DCDC1: variants seen among roughly 807,000 people sequenced by gnomAD.
DCDC1 encodes the protein doublecortin domain containing 1.
Under a neutral mutation model 178.3 loss-of-function variants are expected in DCDC1, and 200 were observed. The ratio of observed to expected loss-of-function variants is 1.12; its 90% CI spans 1.00 to 1.26. The LOEUF (loss-of-function observed/expected upper bound fraction) is 1.26. Among genes scored for constraint, DCDC1 ranks in the 50% most tolerant of loss-of-function variants. DCDC1 has a pLI of 0.00. For missense variants in DCDC1, 1,983 were observed against 1,749.2 expected (o/e 1.13, Z -2.38); for synonymous variants, 690 against 604.8 (o/e 1.14, Z -2.07).
At chr11:30,959,113 C>A (rs1362610719) in intron 20 of DCDC1, among the ~76,000 whole-genome samples, 1 of 152,106 alleles carries the variant, frequency 6.6e-6, no homozygotes, top group East Asian at 1.9e-4. Flanking sequence ...GAAGTTGATG[C>A]CTTCCAATCA....
rs902580551 is a variant in DCDC1 at position 31,293,546 on chromosome 11, T to C, written c.755-2694A>G. Among the ~76,000 whole-genome samples, 3 of 152,112 alleles carry C rather than the reference T, an allele frequency of 2.0e-5. No individual in the cohort carries two copies. In the South Asian group the frequency reaches 6.2e-4, roughly 32 times the overall value. ...CCCTCAGAGCGAATGCCTCCTCAAA[T>C]TGTGTCCCAGTGATACTTCACTCAC... On this transcript the variant is annotated intron_variant, in intron 6 of 38. Coordinates refer to ENST00000684477, the MANE Select transcript of DCDC1 (RefSeq NM_001387274.1).
In DCDC1 at chr11:31,180,398, T is replaced by G. The variant is rs1470992165; in HGVS notation, c.1222-42614A>C. 2.0e-5 allele frequency among the ~76,000 whole-genome samples: 3 copies of G among 152,074 alleles called. No individual in the cohort carries two copies. The South Asian group carries it at 6.2e-4, about 31-fold the overall frequency. ...ATAGATATATATCAAAACATTAAAT[T>G]GGGGGGCTGGCAAGATGGCCGAATA... On this transcript the variant is annotated intron_variant, in intron 9 of 38. Transcript: ENST00000684477.
At chr11:31,196,666 G>A (rs1591373083) in intron 9 of DCDC1, among the ~76,000 whole-genome samples, 1 of 152,114 alleles carries the variant, frequency 6.6e-6, no homozygotes, top group South Asian at 2.1e-4. Context: ...CCCTTTCCCC[G>A]TGAACCACCC....
chr11:30,888,951 G>A (rs1308338299), intron 36 of DCDC1, among the ~76,000 whole-genome samples: 1 of 152,148 alleles, frequency 6.6e-6, no homozygotes, highest in Non-Finnish European at 1.5e-5. Context: ...GGGCACATGG[G>A]CATCATGGAA....
chr11:31,091,613 C>T, intron 16 of DCDC1, 102 bp from the exon 17 acceptor site: 1 of 644,096 alleles, frequency 1.6e-6, no homozygotes, highest in South Asian at 1.7e-5. Flanking sequence ...CCTGGATAAC[C>T]CTGGATATTA....
intron 21 of DCDC1, among the ~76,000 whole-genome samples, chr11:30,951,825 G>GGGGAGAAAACAGAAAAGCC (rs1271898605): frequency 1.3e-5 from 2 of 152,034 alleles, no homozygotes; most frequent in Non-Finnish European, 2.9e-5. Flanking sequence ...AAAGGGGTGA[G>GGGGAGAAAACAGAAAAGCC]GGGAGAAAAC....
intron 9 of DCDC1, among the ~76,000 whole-genome samples, chr11:31,237,679 A>G (rs1251144286): frequency 6.6e-6 from 1 of 152,066 alleles, no homozygotes; most frequent in African/African-American, 2.4e-5. Context: ...ACATAAATAG[A>G]AATTGCAGTG....
intron 1 of DCDC1, among the ~76,000 whole-genome samples, chr11:31,355,974 T>C (rs1951330194): frequency 6.6e-6 from 1 of 152,106 alleles, no homozygotes; most frequent in Non-Finnish European, 1.5e-5. Flanking sequence ...TTTGTACCGG[T>C]ATATCCAAAA....
chr11:30,969,324 A>G (rs999374359), intron 20 of DCDC1, among the ~76,000 whole-genome samples: 1 of 152,188 alleles, frequency 6.6e-6, no homozygotes, highest in African/African-American at 2.4e-5. Flanking sequence ...ACACTACAAA[A>G]GAGGAGAAGG....
intron 9 of DCDC1, among the ~76,000 whole-genome samples, chr11:31,226,929 AT>A (rs1430258611): frequency 3.3e-5 from 5 of 152,118 alleles, no homozygotes; most frequent in African/African-American, 1.2e-4. Context: ...AAAATAACAG[AT>A]AAAAATAAAA....
At chr11:31,153,785 A>AACACACACAC (rs141063677) in intron 9 of DCDC1, among the ~76,000 whole-genome samples, 13,544 of 132,504 alleles carry the variant, frequency 0.1, 830 homozygotes, top group Admixed American at 0.15. Flanking sequence ...TCAGTCTTAA[A>AACACACACAC]ACACACACAC....
At chr11:31,074,596 T>C (rs962432092) in intron 18 of DCDC1, among the ~76,000 whole-genome samples, 8 of 152,088 alleles carry the variant, frequency 5.3e-5, no homozygotes, top group Non-Finnish European at 1.0e-4. Context: ...TTATTGGCAT[T>C]TTGGTCTTAG....
intron 7 of DCDC1, 42 bp from the exon 8 acceptor site, chr11:31,265,642 T>C: frequency 1.0e-6 from 1 of 973,684 alleles, no homozygotes; most frequent in Non-Finnish European, 1.4e-6. Flanking sequence ...AGTAAACTGG[T>C]TAAATTGAAT....
intron 8 of DCDC1, among the ~76,000 whole-genome samples, chr11:31,255,453 TCAA>T (rs932332700): frequency 7.9e-5 from 12 of 152,082 alleles, no homozygotes; most frequent in African/African-American, 1.4e-4. Flanking sequence ...CTTTACATCC[TCAA>T]CAACACTTGT....
Position 30,892,982 on chromosome 11 carries a change from T to C in DCDC1, c.4918A>G (p.Ile1640Val). 2 of 1,613,888 alleles carry C rather than the reference T, an allele frequency of 1.2e-6. No homozygotes were observed. Residue 1640 changes from isoleucine to valine, a missense_variant, in exon 36 of 39, where the codon ATC becomes GTC. Transcript: ENST00000684477. ...IRHTEAHLSEIQEMESKINFP... is the reference protein window; with the variant it reads ...IRHTEAHLSEVQEMESKINFP... ...TTTATTTTGGATTCCATTTCTTGGATTTCAGAAAGGTGTGCCTGTCAAGAA... is the reference window on the plus strand; with the variant it reads ...TTTATTTTGGATTCCATTTCTTGGACTTCAGAAAGGTGTGCCTGTCAAGAA...
chr11:31,000,218 C>G (rs746934390), intron 20 of DCDC1, among the ~76,000 whole-genome samples: 1 of 152,136 alleles, frequency 6.6e-6, no homozygotes, highest in South Asian at 2.1e-4. Context: ...TTCATTCAAG[C>G]GTCACAATGC....
At chr11:31,118,943 C>T (rs1459750127) in intron 11 of DCDC1, among the ~76,000 whole-genome samples, 2 of 152,096 alleles carry the variant, frequency 1.3e-5, no homozygotes, top group Admixed American at 6.6e-5. Context: ...TATCTTCCTA[C>T]GGAGATTTAC....
chr11:31,302,612 A>C (rs1948189050), intron 6 of DCDC1, among the ~76,000 whole-genome samples: 1 of 152,190 alleles, frequency 6.6e-6, no homozygotes, highest in Admixed American at 6.5e-5. Flanking sequence ...AATTATTCTA[A>C]TACTGCATTT....
At chr11:30,903,747 G>A (rs957942710) in intron 31 of DCDC1, 64 bp from the exon 32 acceptor site, 5 of 1,295,810 alleles carry the variant, frequency 3.9e-6, no homozygotes, top group East Asian at 5.2e-5. Context: ...TGATCATTAA[G>A]AGCTTGTCAT....
Sources: gnomAD v4.1 joint callset for allele counts (sites outside exome capture counted in the v4.1 genomes callset) on GRCh38, gnomAD v4.1.1 for gene constraint, MANE v1.5 for transcripts, NCBI Gene and HGNC (gene_info 2026-07-23, HGNC 2026-07-21) for gene names.